Variants in PTPRG observed in about 807,000 individuals in gnomAD.
PTPRG encodes receptor-type tyrosine-protein phosphatase gamma.
Under a neutral mutation model 165.3 loss-of-function variants are expected in PTPRG, and 102 were observed. That is an observed-to-expected ratio of 0.62 (90% CI 0.53 to 0.73). The LOEUF (loss-of-function observed/expected upper bound fraction) is 0.73, where lower values mean the gene tolerates loss of function less well. PTPRG is among the 30% of genes least tolerant of loss of function. The probability of loss-of-function intolerance (pLI) is 0.00; values close to 1 mark genes in which losing one functional copy is unlikely to be tolerated. For synonymous variants in PTPRG, 675 were observed against 669.5 expected (o/e 1.01, Z -0.13); for missense variants, 1,866 against 1,861.4 (o/e 1.00, Z -0.05).
chr3:61,990,124 C>T (rs1448763055), intron 3 of PTPRG, among the ~76,000 whole-genome samples: 1 of 151,758 alleles, frequency 6.6e-6, no homozygotes, highest in East Asian at 1.9e-4. Context: ...ATCTAGTAGC[C>T]ACTAGCCACA....
At chr3:62,256,196 A>G (rs1701531394) in intron 16 of PTPRG, among the ~76,000 whole-genome samples, 1 of 152,196 alleles carries the variant, frequency 6.6e-6, no homozygotes, top group African/African-American at 2.4e-5. Flanking sequence ...AAATGAAGTA[A>G]TGGAAGGTAA....
At chr3:61,871,867 C>T (rs934026312) in intron 2 of PTPRG, among the ~76,000 whole-genome samples, 15 of 152,136 alleles carry the variant, frequency 9.9e-5, no homozygotes, top group African/African-American at 3.4e-4. Context: ...TAGTGTTTCT[C>T]AGCAAGACTA....
intron 1 of PTPRG, among the ~76,000 whole-genome samples, chr3:61,602,117 A>G (rs1700885002): frequency 6.6e-6 from 1 of 151,630 alleles, no homozygotes. Context: ...GTGTTAATGG[A>G]AGCCTTCTTG....
intron 2 of PTPRG, among the ~76,000 whole-genome samples, chr3:61,825,595 G>A (rs1225983054): frequency 6.6e-6 from 1 of 151,930 alleles, no homozygotes; most frequent in Non-Finnish European, 1.5e-5. Flanking sequence ...CACAAATTTG[G>A]AATAAGACCA....
chr3:62,013,524 A>G (rs937362836), intron 4 of PTPRG, among the ~76,000 whole-genome samples: 6 of 152,214 alleles, frequency 3.9e-5, no homozygotes, highest in Admixed American at 6.5e-5. Flanking sequence ...ATAAAAATGT[A>G]TTGTATGCAG....
At chr3:61,723,713 A>G (rs1330671086) in intron 1 of PTPRG, among the ~76,000 whole-genome samples, 1 of 152,166 alleles carries the variant, frequency 6.6e-6, no homozygotes, top group Non-Finnish European at 1.5e-5. Context: ...TTACAGTACA[A>G]TATCAAAACC....
intron 1 of PTPRG, among the ~76,000 whole-genome samples, chr3:61,672,458 C>G (rs1703039822): frequency 1.4e-5 from 2 of 143,354 alleles, no homozygotes; most frequent in Non-Finnish European, 1.5e-5. Flanking sequence ...GAGACTCCGT[C>G]TGCAATCCCG....
At chr3:61,938,250 T>TA (rs2039527802) in intron 2 of PTPRG, among the ~76,000 whole-genome samples, 2 of 149,912 alleles carry the variant, frequency 1.3e-5, no homozygotes, top group South Asian at 2.1e-4. Flanking sequence ...TTTTTTTTTT[T>TA]ACTTTAAAAG....
intron 1 of PTPRG, among the ~76,000 whole-genome samples, chr3:61,579,592 C>T (rs969719764): frequency 5.3e-5 from 8 of 152,210 alleles, no homozygotes; most frequent in African/African-American, 1.9e-4. Context: ...CCCTGTATCA[C>T]GTAACTTGGA....
chr3:62,215,548 C>A (rs992340423), intron 12 of PTPRG, among the ~76,000 whole-genome samples: 5 of 127,844 alleles, frequency 3.9e-5, no homozygotes, highest in Admixed American at 7.9e-5. Context: ...CTACGGGAAC[C>A]CCCCCCCCCC....
rs138626992 is a variant in PTPRG, at chr3:61,989,644, C to T, written c.210C>T (p.His70=). 2 of 1,614,068 alleles carry T rather than the reference C, an allele frequency of 1.2e-6. No individual in the cohort carries two copies. Among genetic ancestry groups the T allele is most frequent in the Non-Finnish European group, 1.7e-6 (2 of 1,179,972 alleles). ...CAACAGGTGCCTATGGTCCTGAGCA[C>T]TGGGTCACGTCTAGTGTCAGCTGTG... ...WAYSGAYGPE[H]WVTSSVSCGG... is the part of the protein sequence containing the mutation. The change falls in exon 3 of 30, where the codon CAC becomes CAT. Residue 70 remains histidine, a synonymous_variant. Coordinates refer to ENST00000474889, the MANE Select transcript of PTPRG (RefSeq NM_002841.4).
In PTPRG at chr3:61,885,194, G is replaced by GT. The variant is rs1559668768; in HGVS notation, c.191-104431_191-104430insT. 8.1e-5 allele frequency among the ~76,000 whole-genome samples: 4 copies of GT among 49,428 alleles called. No individual in the cohort carries two copies. In the African/African-American group the frequency reaches 1.1e-3, roughly 14 times the overall value. 32.4% of individuals were successfully genotyped at this position (49,428 alleles called of 152,430 possible). ...TTGTAAATTTCATAGATCATATAAC[G>GT]GTAAACTATGACAGTTTGCTTAGAA... On this transcript the variant is annotated intron_variant, in intron 2 of 29. Coordinates refer to ENST00000474889, the MANE Select transcript of PTPRG (RefSeq NM_002841.4).
chr3:62,245,310 T>A lies in PTPRG; in HGVS notation c.2467+1412T>A, dbSNP rs1045800771. ...CTTCATCAGCATGAAATAAGTAGTT[T>A]CATTGAATCTACTGGATTTGCACAA... is the stretch of plus-strand genomic sequence containing the variant. On this transcript the variant is annotated intron_variant, in intron 15 of 29. Coordinates refer to ENST00000474889, the MANE Select transcript of PTPRG (RefSeq NM_002841.4). The surrounding 1 kb of genome is among the most constrained non-coding windows in gnomAD (Gnocchi z 4.2). Among the ~76,000 whole-genome samples, 3 of 152,184 alleles carry A rather than the reference T, an allele frequency of 2.0e-5. No homozygotes were observed. Among genetic ancestry groups the A allele is most frequent in the Non-Finnish European group, 4.4e-5 (3 of 68,030 alleles).
intron 1 of PTPRG, among the ~76,000 whole-genome samples, chr3:61,619,752 A>G (rs1336632458): frequency 1.3e-5 from 2 of 152,244 alleles, no homozygotes; most frequent in Non-Finnish European, 2.9e-5. Context: ...AATTAGTGGC[A>G]TAGCAGGTAA....
intron 1 of PTPRG, among the ~76,000 whole-genome samples, chr3:61,667,784 T>G (rs1032156857): frequency 2.8e-4 from 41 of 145,744 alleles, no homozygotes; most frequent in Admixed American, 2.7e-3. Flanking sequence ...TTAAACAAAA[T>G]TTTTTTAATT....
At chr3:62,030,411 T>C (rs747766993) in intron 4 of PTPRG, among the ~76,000 whole-genome samples, 5 of 151,290 alleles carry the variant, frequency 3.3e-5, no homozygotes, top group Admixed American at 6.7e-5. Flanking sequence ...GAAAAATATG[T>C]ACATAAGACT....
At chr3:62,249,116 A>G (rs949165011) in intron 15 of PTPRG, among the ~76,000 whole-genome samples, 2 of 152,186 alleles carry the variant, frequency 1.3e-5, no homozygotes, top group Non-Finnish European at 2.9e-5. Flanking sequence ...AAAATGTTCC[A>G]ACCTCCACAA....
chr3:62,010,795 T>A (rs924728572), intron 4 of PTPRG, among the ~76,000 whole-genome samples: 7 of 152,324 alleles, frequency 4.6e-5, no homozygotes, highest in Admixed American at 2.0e-4. Flanking sequence ...TATTTTCTAT[T>A]AAAAATAACA....
At chr3:61,769,527 C>A (rs948587628) in intron 2 of PTPRG, 11 of 152,106 alleles carry the variant, frequency 7.2e-5, no homozygotes, top group African/African-American at 2.4e-4. Flanking sequence ...CCCAGCTTAG[C>A]CTTGCAAAGT....
Sources: allele counts gnomAD v4.1 joint callset (sites outside exome capture counted in the v4.1 genomes callset), GRCh38; gene constraint gnomAD v4.1.1; non-coding constraint Gnocchi (gnomAD v3.1); transcripts MANE v1.5; gene names NCBI Gene and HGNC (gene_info 2026-07-23, HGNC 2026-07-21).